CUL1: variants seen among roughly 807,000 people sequenced by gnomAD.
The protein encoded by CUL1 is cullin 1.
CUL1 carries 24 observed loss-of-function variants against 118.0 expected under a neutral mutation model. The ratio of observed to expected loss-of-function variants is 0.20; its 90% CI spans 0.15 to 0.29. CUL1 has a LOEUF of 0.29. Among genes scored for constraint, CUL1 ranks in the 10% least tolerant of loss-of-function variants. The pLI is 1.00. For missense variants in CUL1, 361 were observed against 933.8 expected (o/e 0.39, Z 7.99); for synonymous variants, 332 against 340.4 (o/e 0.98, Z 0.27).
At position 148,787,965 on chromosome 7, in the gene CUL1, A is replaced by G. The variant is rs1028641254; in HGVS notation, c.1480-592A>G. 6.6e-6 allele frequency among the ~76,000 whole-genome samples: 1 copy of G among 152,132 alleles called. No homozygotes were observed. The highest frequency in any genetic ancestry group is 2.4e-5 in the African/African-American group (1 of 41,416). Reference sequence around the variant, plus strand: ...TAGACCAGGTAGCTTAAACAACAGAAATAGTTTCTCACAATTCTGGGGGCC... The same window carrying G: ...TAGACCAGGTAGCTTAAACAACAGAGATAGTTTCTCACAATTCTGGGGGCC... On this transcript the variant is annotated intron_variant, in intron 13 of 21. Coordinates refer to ENST00000325222, the MANE Select transcript of CUL1 (RefSeq NM_003592.3). This position sits in a 1 kb window ranked among gnomAD's most constrained non-coding sequence, Gnocchi z 5.5.
At chr7:148,701,327 C>G (rs1269964610) in intron 1 of CUL1, among the ~76,000 whole-genome samples, 1 of 152,112 alleles carries the variant, frequency 6.6e-6, no homozygotes, top group Non-Finnish European at 1.5e-5. Context: ...TTCTATTCCC[C>G]CTTCCCTCTT....
intron 16 of CUL1, among the ~76,000 whole-genome samples, chr7:148,792,121 G>A (rs1801032877): frequency 6.6e-6 from 1 of 151,832 alleles, no homozygotes; most frequent in South Asian, 2.1e-4. Flanking sequence ...GGGAGGCGGA[G>A]GTTGCAGTGA....
chr7:148,780,101 TAATA>T (rs1374106547), intron 9 of CUL1, among the ~76,000 whole-genome samples: 2 of 108,424 alleles, frequency 1.8e-5, no homozygotes, highest in Non-Finnish European at 3.7e-5. Flanking sequence ...AGTTAATACT[TAATA>T]AACTCCCGTA....
At chr7:148,746,522 G>T (rs945052064) in intron 2 of CUL1, among the ~76,000 whole-genome samples, 2 of 152,170 alleles carry the variant, frequency 1.3e-5, no homozygotes, top group African/African-American at 4.8e-5. Flanking sequence ...ATTAGCCTTG[G>T]ACTACTACTA....
At chr7:148,738,193 C>T (rs1799022214) in intron 2 of CUL1, among the ~76,000 whole-genome samples, 1 of 152,110 alleles carries the variant, frequency 6.6e-6, no homozygotes, top group African/African-American at 2.4e-5. Context: ...AGAATACTGG[C>T]TCCGTCATCC....
At chr7:148,725,193 G>A (rs545383230) in intron 1 of CUL1, among the ~76,000 whole-genome samples, 153 of 132,866 alleles carry the variant, frequency 1.2e-3, no homozygotes, top group Non-Finnish European at 8.3e-4. Flanking sequence ...GCACATGCGC[G>A]CGTGTACACA....
At chr7:148,749,812 T>C (rs186925012) in intron 2 of CUL1, among the ~76,000 whole-genome samples, 6 of 152,382 alleles carry the variant, frequency 3.9e-5, no homozygotes, top group East Asian at 3.9e-4. Flanking sequence ...AAAGCTGAGA[T>C]AGGCCAAAAG....
chr7:148,715,671 G>A (rs562462531), intron 1 of CUL1, among the ~76,000 whole-genome samples: 2 of 151,936 alleles, frequency 1.3e-5, no homozygotes, highest in African/African-American at 2.4e-5. Flanking sequence ...TTTTGTTTGC[G>A]CTGTTGCCAA....
chr7:148,750,661 T>C (rs757312785), intron 2 of CUL1, among the ~76,000 whole-genome samples: 2 of 152,220 alleles, frequency 1.3e-5, no homozygotes, highest in African/African-American at 2.4e-5. Flanking sequence ...TAGTATTCCA[T>C]GCCACCTAGG....
At chr7:148,766,275 C>G (rs903034046) in intron 7 of CUL1, among the ~76,000 whole-genome samples, 1 of 152,126 alleles carries the variant, frequency 6.6e-6, no homozygotes, top group Non-Finnish European at 1.5e-5. Flanking sequence ...GGAAGGACTA[C>G]AGGCGCGTGC....
chr7:148,767,571 T>C, intron 8 of CUL1, 48 bp from the exon 9 acceptor site: 1 of 1,565,554 alleles, frequency 6.4e-7, no homozygotes, highest in East Asian at 2.2e-5. Context: ...GTAGAATGGA[T>C]ATGCAAAATT....
At chr7:148,753,830 A>G (rs2129460350) in intron 2 of CUL1, 146 bp from the exon 3 acceptor site, 1 of 620,490 alleles carries the variant, frequency 1.6e-6, no homozygotes, top group East Asian at 3.0e-5. Context: ...GGATAGTGTG[A>G]ATGGGATCTT....
At chr7:148,755,045 G>T (rs1799612898) in intron 3 of CUL1, among the ~76,000 whole-genome samples, 1 of 152,174 alleles carries the variant, frequency 6.6e-6, no homozygotes. Context: ...GAGCCACAGT[G>T]CCTGGCCATG....
intron 20 of CUL1, 122 bp downstream of exon 20, chr7:148,798,799 GATGGCAGAAGGTGGC>G: frequency 2.5e-6 from 2 of 805,402 alleles, no homozygotes; most frequent in Non-Finnish European, 4.3e-6. Context: ...ATGGGTCTGT[GATGGCAGAAGGTGGC>G]AAGGCCGAGA....
At position 148,779,290 on chromosome 7, in the gene CUL1, G is replaced by T. The variant is rs116619030; in HGVS notation, c.1084-4493G>T. Among the ~76,000 whole-genome samples, 150 of 152,304 alleles carry T rather than the reference G, an allele frequency of 9.8e-4. 1 individual carries two copies. Among genetic ancestry groups the T allele is most frequent in the African/African-American group, 3.6e-3 (149 of 41,584 alleles). The stretch of plus-strand genomic sequence containing the variant: ...CACTTCACTAGGTACTTAGAAGTAC[G>T]GCAGTGGTAGCAGGCAGACACGGTC... On this transcript the variant is annotated intron_variant, in intron 9 of 21. Coordinates refer to ENST00000325222, the MANE Select transcript of CUL1 (RefSeq NM_003592.3).
At chr7:148,767,501 G>A (rs1185899937) in intron 8 of CUL1, 118 bp from the exon 9 acceptor site, 1 of 880,020 alleles carries the variant, frequency 1.1e-6, no homozygotes, top group Non-Finnish European at 1.8e-6. Flanking sequence ...GATTATTAAA[G>A]TCTAAAAACA....
At chr7:148,770,691 C>T (rs959454493) in intron 9 of CUL1, among the ~76,000 whole-genome samples, 3 of 152,200 alleles carry the variant, frequency 2.0e-5, no homozygotes, top group African/African-American at 7.2e-5. Flanking sequence ...CTGGGAAAGC[C>T]CACAGAATTG....
chr7:148,705,612 A>G (rs1050159903), intron 1 of CUL1, among the ~76,000 whole-genome samples: 1 of 152,204 alleles, frequency 6.6e-6, no homozygotes, highest in African/African-American at 2.4e-5. Context: ...AACGGGGGAA[A>G]AAGGCTGACA....
intron 15 of CUL1, 101 bp from the exon 16 acceptor site, chr7:148,790,209 G>T: frequency 1.5e-6 from 2 of 1,298,364 alleles, no homozygotes; most frequent in South Asian, 2.4e-5. Context: ...TGTAAGCACT[G>T]ACTTTGTACT....
Sources: gnomAD v4.1 joint callset for allele counts (sites outside exome capture counted in the v4.1 genomes callset) on GRCh38, gnomAD v4.1.1 for gene constraint, Gnocchi (gnomAD v3.1) non-coding constraint, MANE v1.5 for transcripts, NCBI Gene and HGNC (gene_info 2026-07-23, HGNC 2026-07-21) for gene names.